CFH: variants seen among roughly 807,000 people sequenced by gnomAD.
CFH encodes the protein complement factor H.
In CFH, 53 loss-of-function variants were observed where a neutral mutation model predicts 147.3. That is an observed-to-expected ratio of 0.36 (90% CI 0.29 to 0.45). The LOEUF is 0.45. Among genes scored for constraint, CFH ranks in the 20% least tolerant of loss-of-function variants. The pLI is 1.00. For synonymous variants in CFH, 536 were observed against 489.4 expected (o/e 1.10, Z -1.26); for missense variants, 1,380 against 1,498.0 (o/e 0.92, Z 1.30).
At chr1:196,741,639 C>T (rs935818712) in intron 18 of CFH, 36 of 496,670 alleles carry the variant, frequency 7.2e-5, no homozygotes, top group African/African-American at 2.5e-4. Context: ...TCAATTGCTA[C>T]GGCTACCAAT....
chr1:196,726,740 T>G, intron 13 of CFH, 21 bp from the exon 14 acceptor site: 1 of 1,613,504 alleles, frequency 6.2e-7, no homozygotes, highest in Non-Finnish European at 8.5e-7. Context: ...ACAATAAACT[T>G]TTTTTGTAAA....
intron 7 of CFH, among the ~76,000 whole-genome samples, chr1:196,687,802 T>G (rs920735706): frequency 6.6e-6 from 1 of 151,940 alleles, no homozygotes; most frequent in Admixed American, 6.6e-5. Flanking sequence ...TAAGACTAAG[T>G]AAATGTTTTA....
At chr1:196,682,697 G>A (rs1667697376) in intron 6 of CFH, among the ~76,000 whole-genome samples, 1 of 151,286 alleles carries the variant, frequency 6.6e-6, no homozygotes, top group African/African-American at 2.4e-5. Flanking sequence ...AATACATTTA[G>A]GACTTATTTG....
chr1:196,713,814 A>T lies in CFH; in HGVS notation c.1416A>T (p.Lys472Asn), dbSNP rs774752792. Residue 472 changes from lysine to asparagine, a missense_variant, in exon 10 of 22, where the codon AAA becomes AAT. Lys to Asn is a moderately conservative substitution (Grantham distance 94). This residue lies in a region of CFH where 830 missense variants were observed against 821.4 expected (regional missense o/e 1.01). Transcript: ENST00000367429. ...AGTATACATATGCCTTAAAAGAAAA[A>T]GCGAAATATCAATGCAAACTAGGAT... Reference protein sequence around the residue: ...ESQYTYALKEKAKYQCKLGYV... With the variant: ...ESQYTYALKENAKYQCKLGYV... The T allele has an allele frequency of 6.2e-7, 1 of 1,611,694 alleles. No individual in the cohort carries two copies. The highest frequency in any genetic ancestry group is 8.5e-7 in the Non-Finnish European group (1 of 1,178,356).
At chr1:196,666,614 C>T (rs928029436) in intron 1 of CFH, among the ~76,000 whole-genome samples, 17 of 150,430 alleles carry the variant, frequency 1.1e-4, no homozygotes, top group Non-Finnish European at 2.1e-4. Flanking sequence ...CTGGCTAACA[C>T]GGTGAAACAC....
chr1:196,688,071 A>ATG (rs927547016), intron 7 of CFH, among the ~76,000 whole-genome samples: 10 of 151,694 alleles, frequency 6.6e-5, no homozygotes, highest in African/African-American at 1.2e-4. Context: ...GAATATTTAT[A>ATG]TGTGTGTGTG....
intron 9 of CFH, among the ~76,000 whole-genome samples, chr1:196,712,936 G>A (rs1668759437): frequency 6.6e-6 from 1 of 151,860 alleles, no homozygotes; most frequent in South Asian, 2.1e-4. Context: ...TCCCTACAAA[G>A]GACATGAACT....
chr1:196,679,842 T>C (rs1313313785), intron 6 of CFH, 49 bp downstream of exon 6: 1 of 1,473,010 alleles, frequency 6.8e-7, no homozygotes, highest in East Asian at 2.5e-5. Context: ...TCACATATTT[T>C]AATTAATTCT....
At chr1:196,742,657 C>T (rs1397849094) in intron 19 of CFH, among the ~76,000 whole-genome samples, 1 of 152,154 alleles carries the variant, frequency 6.6e-6, no homozygotes, top group Non-Finnish European at 1.5e-5. Context: ...TCCGTAAGCT[C>T]ATTCTAGACA....
intron 1 of CFH, among the ~76,000 whole-genome samples, chr1:196,657,309 A>G (rs1350386199): frequency 6.6e-6 from 1 of 152,134 alleles, no homozygotes; most frequent in Non-Finnish European, 1.5e-5. Context: ...TAATTTGAAT[A>G]TTTCTTATTT....
chr1:196,690,398 G>C (rs1355583139), intron 9 of CFH, 159 bp downstream of exon 9: 3 of 957,198 alleles, frequency 3.1e-6, no homozygotes, highest in Non-Finnish European at 5.0e-6. Context: ...GTGTATAAAT[G>C]AATATACAAA....
In CFH at chr1:196,672,971, T is replaced by C. The variant is rs1394867233; in HGVS notation, c.59-7T>C. 8 of 1,612,818 alleles carry C rather than the reference T, an allele frequency of 5.0e-6. No individual in the cohort carries two copies. Among genetic ancestry groups the C allele is most frequent in the Non-Finnish European group, 6.8e-6 (8 of 1,178,974 alleles). ...TTATGCACTTATTTTGTTTTTATTG[T>C]TTGTAGATTGCAATGAACTTCCTCC... On this transcript the variant is annotated splice_region_variant and splice_polypyrimidine_tract_variant and intron_variant, in intron 1 of 21. Transcript: ENST00000367429.
intron 1 of CFH, among the ~76,000 whole-genome samples, chr1:196,666,298 C>G (rs1168688864): frequency 2.6e-5 from 4 of 152,066 alleles, no homozygotes; most frequent in African/African-American, 7.2e-5. Flanking sequence ...TAATGTTTTA[C>G]TAGTTTCTTG....
intron 8 of CFH, 46 bp from the exon 9 acceptor site, chr1:196,690,015 TTA>T: frequency 1.3e-6 from 2 of 1,527,210 alleles, no homozygotes; most frequent in Non-Finnish European, 1.8e-6. Flanking sequence ...TTGAGCAAAT[TTA>T]TGTTTCTCAT....
At chr1:196,675,831 A>T (rs546762242) in intron 3 of CFH, among the ~76,000 whole-genome samples, 158 bp from the exon 4 acceptor site, 1 of 152,234 alleles carries the variant, frequency 6.6e-6, no homozygotes, top group East Asian at 1.9e-4. Flanking sequence ...GAGGAGGAGA[A>T]GGAGGAAGGA....
chr1:196,696,479 A>G (rs1668276365), intron 9 of CFH, among the ~76,000 whole-genome samples: 1 of 152,166 alleles, frequency 6.6e-6, no homozygotes, highest in African/African-American at 2.4e-5. Flanking sequence ...AGGAAAATTT[A>G]TCGCACTAAA....
rs1003498507 is a variant in CFH at position 196,721,152 on chromosome 1, AT to A, written c.1697-3960del. ...TTGTCCACTTTTTCATGGGATTATT[AT>A]TTTTTTTTCTTGTTGTGTTGTTTCA... On this transcript the variant is annotated intron_variant, in intron 11 of 21. Transcript: ENST00000367429. Among the ~76,000 whole-genome samples the A allele has an allele frequency of 2.2e-4, 24 of 111,268 alleles. 1 individual carries two copies. Among genetic ancestry groups the A allele is most frequent in the African/African-American group, 5.8e-4 (22 of 38,006 alleles). 73.0% of individuals were successfully genotyped at this position (111,268 alleles called of 152,430 possible).
intron 1 of CFH, among the ~76,000 whole-genome samples, chr1:196,655,003 A>G (rs1666636984): frequency 6.6e-6 from 1 of 152,152 alleles, no homozygotes; most frequent in African/African-American, 2.4e-5. Context: ...TGGCTTCAAT[A>G]TCTCATCTCC....
At position 196,747,308 on chromosome 1, in the gene CFH, A is replaced by T. The variant is rs1403643322; in HGVS notation, c.3691A>T (p.Arg1231Ter). 6.2e-7 allele frequency: 1 copy of T among 1,614,008 alleles called. No homozygotes were observed. The highest frequency in any genetic ancestry group is 8.5e-7 in the Non-Finnish European group (1 of 1,179,988). The change falls in exon 22 of 22, where the codon AGA becomes TGA. Residue 1231 changes from arginine to a stop codon, truncating the protein, a stop_gained. Transcript: ENST00000367429. LOFTEE classifies it high-confidence loss of function. ...GKLEYPTCAK[R>*] Reference sequence around the variant, plus strand: ...ACTGGAGTATCCAACTTGTGCAAAAAGATAGAATCAATCATAAAGTGCACA... The same window carrying T: ...ACTGGAGTATCCAACTTGTGCAAAATGATAGAATCAATCATAAAGTGCACA...
Sources: allele counts gnomAD v4.1 joint callset (sites outside exome capture counted in the v4.1 genomes callset), GRCh38; gene constraint gnomAD v4.1.1; regional missense constraint gnomAD v4.1.1; transcripts MANE v1.5; gene names NCBI Gene and HGNC (gene_info 2026-07-23, HGNC 2026-07-21).